The following NRDC variants were observed in gnomAD, a reference collection of about 807,000 sequenced individuals.
The protein encoded by NRDC is nardilysin convertase, also known as nardilysin.
In NRDC, 54 loss-of-function variants were observed where a neutral mutation model predicts 147.1. The observed-to-expected ratio is 0.37, with a 90% CI of 0.29 to 0.46. The LOEUF (loss-of-function observed/expected upper bound fraction) is 0.46, where lower values mean the gene tolerates loss of function less well. Among genes scored for constraint, NRDC ranks in the 20% least tolerant of loss-of-function variants. The pLI is 1.00. For synonymous variants in NRDC, 440 were observed against 482.1 expected, an observed-to-expected ratio of 0.91 and a Z score of 1.14; for missense variants, 1,082 against 1,370.6, an observed-to-expected ratio of 0.79 and a Z score of 3.33.
intron 1 of NRDC, among the ~76,000 whole-genome samples, chr1:51,863,017 A>AAAG (rs1682622826): frequency 6.8e-6 from 1 of 147,732 alleles, no homozygotes; most frequent in African/African-American, 2.5e-5. Flanking sequence ...GTGGAGGAAA[A>AAAG]AAAAAAAAAA....
chr1:51,847,352 G>T (rs116525134), intron 1 of NRDC, among the ~76,000 whole-genome samples: 2,392 of 152,378 alleles, frequency 0.016, 32 homozygotes, highest in Non-Finnish European at 0.025. Flanking sequence ...AGGTGGAACT[G>T]CCTGCCAATC....
chr1:51,821,469 T>C, intron 8 of NRDC, 29 bp downstream of exon 8: 1 of 1,462,356 alleles, frequency 6.8e-7, no homozygotes, highest in Non-Finnish European at 9.6e-7. Context: ...ACTCTGAAGG[T>C]GTATGATGTA....
Position 51,840,345 on chromosome 1 carries a change from C to G in NRDC, c.511G>C (p.Gly171Arg), listed in dbSNP as rs749639824. 5 of 1,530,262 alleles carry G rather than the reference C, an allele frequency of 3.3e-6. No individual in the cohort carries two copies. Among genetic ancestry groups the G allele is most frequent in the Non-Finnish European group, 4.5e-6 (5 of 1,104,466 alleles). 94.8% of individuals were successfully genotyped at this position (1,530,262 alleles called of 1,614,324 possible). The change falls in exon 2 of 31, where the codon GGT becomes CGT. Residue 171 changes from glycine to arginine, a missense_variant. Gly to Arg is a moderately radical substitution (Grantham distance 125, BLOSUM62 -2). This residue lies in a region of NRDC where 260 missense variants were observed against 253.2 expected (regional missense o/e 1.03). Transcript: ENST00000352171. Reference protein sequence around the residue: ...GAEIEDDDEEGFDDEDEFDDE... With the variant: ...GAEIEDDDEERFDDEDEFDDE... ...TCAAACTCATCTTCATCATCAAAAC[C>G]CTCTTCATCGTCATCTTCTATTTCA...
At chr1:51,835,721 C>T (rs1680934871) in intron 3 of NRDC, among the ~76,000 whole-genome samples, 1 of 152,184 alleles carries the variant, frequency 6.6e-6, no homozygotes, top group South Asian at 2.1e-4. Flanking sequence ...CCCACCTCAG[C>T]CTCCCAGAGT....
intron 21 of NRDC, 194 bp from the exon 22 acceptor site, chr1:51,798,605 C>A: frequency 2.0e-6 from 1 of 507,184 alleles, no homozygotes. Flanking sequence ...AAACTTTAAA[C>A]AAATTTACTT....
At chr1:51,822,370 T>C (rs1465344080) in intron 7 of NRDC, among the ~76,000 whole-genome samples, 1 of 152,140 alleles carries the variant, frequency 6.6e-6, no homozygotes, top group African/African-American at 2.4e-5. Flanking sequence ...ATCTACATTG[T>C]ACATAGTTTT....
chr1:51,797,653 C>T (rs1678992401), intron 22 of NRDC, among the ~76,000 whole-genome samples: 1 of 152,338 alleles, frequency 6.6e-6, no homozygotes, highest in East Asian at 1.9e-4. Context: ...CTATACTAAA[C>T]TGTTCATGGT....
intron 1 of NRDC, among the ~76,000 whole-genome samples, chr1:51,873,532 A>G (rs1242553793): frequency 7.3e-6 from 1 of 136,546 alleles, no homozygotes; most frequent in Admixed American, 7.4e-5. Context: ...TATGTTTGAG[A>G]CAGAGTCTTG....
At chr1:51,821,159 C>T (rs972752556) in intron 8 of NRDC, among the ~76,000 whole-genome samples, 8 of 152,008 alleles carry the variant, frequency 5.3e-5, no homozygotes, top group African/African-American at 1.2e-4. Flanking sequence ...TGTCCCAATA[C>T]GGGGGATGTA....
chr1:51,860,714 G>C (rs976535399), intron 1 of NRDC, among the ~76,000 whole-genome samples: 1 of 152,126 alleles, frequency 6.6e-6, no homozygotes, highest in Non-Finnish European at 1.5e-5. Flanking sequence ...ATAAACTTAC[G>C]TGTCTAGAAT....
intron 14 of NRDC, among the ~76,000 whole-genome samples, chr1:51,813,289 A>G (rs528335900): frequency 2.4e-4 from 37 of 152,290 alleles, no homozygotes; most frequent in Non-Finnish European, 3.8e-4. Flanking sequence ...TTTACCGAGC[A>G]CCCAGATACA....
Position 51,814,578 on chromosome 1 carries a change from A to G in NRDC, c.1592T>C (p.Met531Thr), listed in dbSNP as rs771613921. Residue 531 changes from methionine to threonine, a missense_variant, in exon 13 of 31, where the codon ATG (methionine) becomes ACG (threonine). Around this residue, in one of 3 missense-constraint regions of NRDC, gnomAD observed 635 missense variants for 923.8 expected, o/e 0.69. Transcript: ENST00000352171. ...VAYTVFQYLKMLQKLGPEKRI... is the reference protein window; with the variant it reads ...VAYTVFQYLKTLQKLGPEKRI... ...TTTTTCTGGGCCTAGCTTCTGCAGC[A>G]TTTTTAAATACTGAAAGACAGTGTA... 9.9e-6 allele frequency: 16 copies of G among 1,613,560 alleles called. No individual in the cohort carries two copies. The Admixed American group carries it at 2.7e-4, about 27-fold the overall frequency.
chr1:51,860,711 T>C (rs1682487983), intron 1 of NRDC, among the ~76,000 whole-genome samples: 1 of 152,236 alleles, frequency 6.6e-6, no homozygotes, highest in South Asian at 2.1e-4. Context: ...AGTATAAACT[T>C]ACGTGTCTAG....
chr1:51,857,055 G>T (rs994390702), intron 1 of NRDC, among the ~76,000 whole-genome samples: 1 of 152,178 alleles, frequency 6.6e-6, no homozygotes, highest in African/African-American at 2.4e-5. Flanking sequence ...GGAGTTACAA[G>T]ACAGGAACAG....
chr1:51,877,507 A>ACATG (rs1291050542), intron 1 of NRDC, among the ~76,000 whole-genome samples: 15 of 152,174 alleles, frequency 9.9e-5, no homozygotes, highest in African/African-American at 3.6e-4. Context: ...ATTAAAACAC[A>ACATG]CACGCACACA....
chr1:51,832,754 A>G (rs1201276495), intron 4 of NRDC, among the ~76,000 whole-genome samples: 2 of 152,170 alleles, frequency 1.3e-5, no homozygotes, highest in Non-Finnish European at 2.9e-5. Flanking sequence ...AAGAAAAAAA[A>G]AGTCTTAAAA....
chr1:51,800,236 G>C (rs1179975988), intron 21 of NRDC, among the ~76,000 whole-genome samples: 2 of 152,148 alleles, frequency 1.3e-5, no homozygotes, highest in African/African-American at 4.8e-5. Context: ...GCTTCTCAAA[G>C]TGCTGGGATT....
intron 16 of NRDC, among the ~76,000 whole-genome samples, chr1:51,809,899 C>G (rs1218539690): frequency 6.7e-6 from 1 of 150,024 alleles, no homozygotes; most frequent in Non-Finnish European, 1.5e-5. Flanking sequence ...GAGCAAAACT[C>G]TGTCTCAAAA....
intron 26 of NRDC, 118 bp downstream of exon 26, chr1:51,791,928 C>T: frequency 9.7e-7 from 1 of 1,031,164 alleles, no homozygotes; most frequent in Non-Finnish European, 1.5e-6. Context: ...GACTAAATAT[C>T]ACCCTATGAG....
Sources: allele counts gnomAD v4.1 joint callset (sites outside exome capture counted in the v4.1 genomes callset), GRCh38; gene constraint gnomAD v4.1.1; regional missense constraint gnomAD v4.1.1; transcripts MANE v1.5; gene names NCBI Gene and HGNC (gene_info 2026-07-23, HGNC 2026-07-21).